The following HERC1 variants were observed in gnomAD, a reference collection of about 807,000 sequenced individuals.
The protein encoded by HERC1 is probable E3 ubiquitin-protein ligase HERC1.
In HERC1, 160 loss-of-function variants were observed where a neutral mutation model predicts 554.3. The ratio of observed to expected loss-of-function variants is 0.29; its 90% CI spans 0.25 to 0.33. HERC1 has a LOEUF of 0.33. HERC1 is among the 10% of genes least tolerant of loss of function. The pLI is 1.00. For missense variants in HERC1, 4,919 were observed against 5,918.5 expected (o/e 0.83, Z 5.54); for synonymous variants, 2,175 against 2,131.7 (o/e 1.02, Z -0.56).
intron 1 of HERC1, among the ~76,000 whole-genome samples, chr15:63,833,150 CCAT>C (rs1596351226): frequency 6.6e-6 from 1 of 152,320 alleles, no homozygotes; most frequent in East Asian, 1.9e-4. Flanking sequence ...CCTGTCATCA[CCAT>C]CATCATCCTC....
At chr15:63,614,486 A>G (rs1274207695) in intron 76 of HERC1, among the ~76,000 whole-genome samples, 1 of 152,226 alleles carries the variant, frequency 6.6e-6, no homozygotes, top group African/African-American at 2.4e-5. Context: ...GGCTGTGTAA[A>G]TAGCATCACT....
chr15:63,663,226 CATTTT>C (rs1338564393), intron 43 of HERC1, 22 bp from the exon 44 acceptor site: 3 of 1,592,556 alleles, frequency 1.9e-6, no homozygotes, highest in Non-Finnish European at 2.6e-6. Context: ...ACAAAAAAGG[CATTTT>C]ATTTGCATGC....
intron 12 of HERC1, among the ~76,000 whole-genome samples, chr15:63,739,194 A>ATTTTTTT (rs1567071803): frequency 2.0e-5 from 1 of 50,640 alleles, no homozygotes; most frequent in Non-Finnish European, 5.0e-5. Context: ...CCACTAATAT[A>ATTTTTTT]CTTTTTTTTT....
intron 13 of HERC1, 71 bp from the exon 14 acceptor site, chr15:63,733,216 GA>G (rs910025894): frequency 1.0e-6 from 1 of 999,684 alleles, no homozygotes; most frequent in Non-Finnish European, 1.6e-6. Context: ...AAGGATCCCA[GA>G]AAAAAACTAT....
intron 2 of HERC1, among the ~76,000 whole-genome samples, chr15:63,773,391 T>G (rs1445668424): frequency 4.5e-5 from 6 of 133,940 alleles, no homozygotes; most frequent in Non-Finnish European, 9.3e-5. Context: ...TTGCAGTGAG[T>G]GGAGATCACA....
At chr15:63,826,657 G>A (rs1488336304) in intron 1 of HERC1, among the ~76,000 whole-genome samples, 1 of 151,128 alleles carries the variant, frequency 6.6e-6, no homozygotes, top group African/African-American at 2.4e-5. Flanking sequence ...CTACATGTAT[G>A]AATGCAGTAT....
chr15:63,639,745 A>G (rs905050742), intron 61 of HERC1, among the ~76,000 whole-genome samples: 2 of 152,254 alleles, frequency 1.3e-5, no homozygotes, highest in Non-Finnish European at 2.9e-5. Flanking sequence ...ATGCTCTTCT[A>G]TATTTTATTT....
chr15:63,620,402 C>T lies in HERC1; in HGVS notation c.13688+2413G>A, dbSNP rs531387307. Among the ~76,000 whole-genome samples, 8 of 151,808 alleles carry T rather than the reference C, an allele frequency of 5.3e-5. No homozygotes were observed. The South Asian group carries it at 1.7e-3, about 32-fold the overall frequency. Reference sequence around the variant, plus strand: ...GTTCTTTTACATTTGCTGAGGAGTGCTTTACTTCCAACTATGTGGTCAATT... The same window carrying T: ...GTTCTTTTACATTTGCTGAGGAGTGTTTTACTTCCAACTATGTGGTCAATT... On this transcript the variant is annotated intron_variant, in intron 74 of 77. Coordinates refer to ENST00000443617, the MANE Select transcript of HERC1 (RefSeq NM_003922.4).
At chr15:63,797,404 T>C (rs1415773961) in intron 1 of HERC1, among the ~76,000 whole-genome samples, 1 of 152,182 alleles carries the variant, frequency 6.6e-6, no homozygotes, top group African/African-American at 2.4e-5. Flanking sequence ...TAATAGAATC[T>C]AAGATTGGTT....
intron 52 of HERC1, among the ~76,000 whole-genome samples, chr15:63,651,979 T>C (rs565125374): frequency 5.3e-5 from 8 of 152,282 alleles, no homozygotes; most frequent in Non-Finnish European, 1.0e-4. Context: ...GAGGTTGTGG[T>C]GAGCTGAGAT....
In HERC1 at chr15:63,659,719, T is replaced by A; in HGVS notation, c.9424+17A>T. On this transcript the variant is annotated intron_variant, in intron 47 of 77. Coordinates refer to ENST00000443617, the MANE Select transcript of HERC1 (RefSeq NM_003922.4). ...GTAGATGCTATAAAATCAATGCAAA[T>A]CAGGATTTCAGTTTACCTATTTGCA... 1 of 1,588,216 alleles carries A rather than the reference T, an allele frequency of 6.3e-7. No homozygotes were observed. Among genetic ancestry groups the A allele is most frequent in the Non-Finnish European group, 8.6e-7 (1 of 1,157,022 alleles).
chr15:63,812,061 G>GT (rs1467993569), intron 1 of HERC1, among the ~76,000 whole-genome samples: 2 of 152,106 alleles, frequency 1.3e-5, no homozygotes, highest in Non-Finnish European at 2.9e-5. Flanking sequence ...AGCCAGATTT[G>GT]TAACTCTCGC....
Position 63,775,720 on chromosome 15 carries a change from T to G in HERC1, c.-26-71A>C, listed in dbSNP as rs2076092376. On this transcript the variant is annotated intron_variant, in intron 1 of 77. Transcript: ENST00000443617. The surrounding 1 kb of genome is among the most constrained non-coding windows in gnomAD (Gnocchi z 4.0). The stretch of plus-strand genomic sequence containing the variant: ...ATAAAATGTTTCCAAAATTTCATCT[T>G]ACATTACAATTAATGATTTCAAACT... 2 of 1,011,480 alleles carry G rather than the reference T, an allele frequency of 2.0e-6. No homozygotes were observed. The highest frequency in any genetic ancestry group is 1.5e-6 in the Non-Finnish European group (1 of 680,116). The allele number at this position is 1,011,480 out of a possible 1,614,324, so 62.7% of individuals were successfully genotyped here.
intron 8 of HERC1, among the ~76,000 whole-genome samples, chr15:63,750,768 C>G (rs1170558534): frequency 1.3e-5 from 2 of 151,978 alleles, no homozygotes; most frequent in Non-Finnish European, 2.9e-5. Context: ...CCGATCTCCA[C>G]AAAAATTTAA....
At chr15:63,778,851 A>T (rs1261539064) in intron 1 of HERC1, among the ~76,000 whole-genome samples, 1 of 152,190 alleles carries the variant, frequency 6.6e-6, no homozygotes, top group Non-Finnish European at 1.5e-5. Context: ...AACAATCCAA[A>T]CAAAATTAAA....
intron 48 of HERC1, 77 bp downstream of exon 48, chr15:63,658,467 T>C: frequency 7.5e-7 from 1 of 1,330,424 alleles, no homozygotes; most frequent in Non-Finnish European, 1.0e-6. Context: ...TATCTCACCC[T>C]CCCAAACACC....
intron 50 of HERC1, among the ~76,000 whole-genome samples, chr15:63,654,909 T>C (rs1051772715): frequency 2.0e-5 from 3 of 152,104 alleles, no homozygotes; most frequent in Admixed American, 1.3e-4. Flanking sequence ...CAATAGTCTT[T>C]GCTCCAAGGA....
Position 63,666,319 on chromosome 15 carries a change from A to G in HERC1, c.8323+37T>C, listed in dbSNP as rs566975484. On this transcript the variant is annotated intron_variant, in intron 41 of 77. Transcript: ENST00000443617. ...TGTCTTTAATAAGCTAGGACTTCTC[A>G]TATCTGTATACACTGATATATAAAA... 3.4e-6 allele frequency: 5 copies of G among 1,477,234 alleles called. No homozygotes were observed. In the South Asian group the frequency reaches 4.7e-5, roughly 14 times the overall value. The allele number at this position is 1,477,234 out of a possible 1,614,324, so 91.5% of individuals were successfully genotyped here.
intron 75 of HERC1, among the ~76,000 whole-genome samples, 168 bp downstream of exon 75, chr15:63,616,262 C>G (rs578118532): frequency 6.8e-6 from 1 of 147,490 alleles, no homozygotes; most frequent in South Asian, 2.1e-4. Flanking sequence ...CTATTAGAAG[C>G]TGTTTAAACT....
Sources: allele counts gnomAD v4.1 joint callset (sites outside exome capture counted in the v4.1 genomes callset), GRCh38; gene constraint gnomAD v4.1.1; non-coding constraint Gnocchi (gnomAD v3.1); transcripts MANE v1.5; gene names NCBI Gene and HGNC (gene_info 2026-07-23, HGNC 2026-07-21).